Variants in ACSS3 observed in about 807,000 individuals in gnomAD.
ACSS3 encodes acyl-CoA synthetase short chain family member 3.
In ACSS3, 64 loss-of-function variants were observed where a neutral mutation model predicts 84.2. The ratio of observed to expected loss-of-function variants is 0.76; its 90% CI spans 0.62 to 0.94. The LOEUF is 0.94. Ranked by LOEUF, ACSS3 falls within the 40% of genes least tolerant of loss-of-function variation. ACSS3 has a pLI of 0.00. For synonymous variants in ACSS3, 317 were observed against 310.1 expected (o/e 1.02, Z -0.23); for missense variants, 815 against 867.6 (o/e 0.94, Z 0.76).
intron 1 of ACSS3, among the ~76,000 whole-genome samples, chr12:81,099,114 AT>A (rs1882299733): frequency 6.6e-6 from 1 of 152,094 alleles, no homozygotes; most frequent in Admixed American, 6.6e-5. Context: ...GAGTTAATGA[AT>A]TTTTTTATAA....
chr12:81,118,243 T>G (rs1884220810), intron 2 of ACSS3, among the ~76,000 whole-genome samples: 1 of 152,190 alleles, frequency 6.6e-6, no homozygotes, highest in South Asian at 2.1e-4. Flanking sequence ...AGTAAAATAG[T>G]GGCTTAATTT....
chr12:81,152,202 A>G, intron 7 of ACSS3, 106 bp downstream of exon 7: 1 of 750,106 alleles, frequency 1.3e-6, no homozygotes. Context: ...GGGACAGGGG[A>G]CATTATTATA....
At position 81,216,914 on chromosome 12, in the gene ACSS3, A is replaced by G; in HGVS notation, c.1368A>G (p.Pro456=). The G allele has an allele frequency of 2.5e-6, 4 of 1,610,820 alleles. No homozygotes were observed. Among genetic ancestry groups the G allele is most frequent in the South Asian group, 1.1e-5 (1 of 91,038 alleles). The change falls in exon 10 of 16, where the codon CCA becomes CCG. Residue 456 remains proline, a synonymous_variant. Coordinates refer to ENST00000548058, the MANE Select transcript of ACSS3 (RefSeq NM_024560.4). ...TTCTTTTTCCAGAGACTGGATCTCC[A>G]ATTACTGCGTCATGTGTTGGATTAG... is the stretch of plus-strand genomic sequence containing the variant. The part of the protein sequence containing the change: ...DHWWQTETGS[P]ITASCVGLGN...
chr12:81,242,116 T>A (rs975296304), intron 13 of ACSS3, among the ~76,000 whole-genome samples: 2 of 152,138 alleles, frequency 1.3e-5, no homozygotes, highest in African/African-American at 4.8e-5. Context: ...TTGCTTGTTT[T>A]TCCTCAGGTT....
chr12:81,219,508 C>T (rs546433599), intron 10 of ACSS3, among the ~76,000 whole-genome samples: 137 of 152,180 alleles, frequency 9.0e-4, no homozygotes, highest in African/African-American at 3.1e-3. Flanking sequence ...TCTATCAGGA[C>T]AGCACAGAAA....
intron 1 of ACSS3, among the ~76,000 whole-genome samples, chr12:81,079,606 T>G (rs1880844177): frequency 6.6e-6 from 1 of 152,178 alleles, no homozygotes; most frequent in African/African-American, 2.4e-5. Context: ...CTATCAATTA[T>G]TTTTTCAATA....
At chr12:81,241,036 C>A (rs2033784083) in intron 13 of ACSS3, among the ~76,000 whole-genome samples, 1 of 136,454 alleles carries the variant, frequency 7.3e-6, no homozygotes, top group South Asian at 2.5e-4. Flanking sequence ...CTTCCTGCAT[C>A]CATGTGTTCT....
chr12:81,090,076 G>T (rs1226154035), intron 1 of ACSS3, among the ~76,000 whole-genome samples: 1 of 151,906 alleles, frequency 6.6e-6, no homozygotes, highest in Non-Finnish European at 1.5e-5. Flanking sequence ...TGTTAATCGG[G>T]ATTTAACTTC....
At chr12:81,202,477 A>C (rs1593191472) in intron 9 of ACSS3, among the ~76,000 whole-genome samples, 1 of 152,164 alleles carries the variant, frequency 6.6e-6, no homozygotes, top group Non-Finnish European at 1.5e-5. Context: ...TATATCAAAT[A>C]GATGGTGGTA....
At chr12:81,151,375 T>G (rs1050175799) in intron 5 of ACSS3, among the ~76,000 whole-genome samples, 2 of 152,272 alleles carry the variant, frequency 1.3e-5, no homozygotes, top group Admixed American at 6.5e-5. Flanking sequence ...GAGATTCCAG[T>G]TAGAATATGA....
At chr12:81,194,516 G>T (rs923955669) in intron 8 of ACSS3, among the ~76,000 whole-genome samples, 11 of 151,732 alleles carry the variant, frequency 7.2e-5, no homozygotes, top group Non-Finnish European at 1.3e-4. Context: ...TTTTTCCTTT[G>T]CATTCAATAA....
chr12:81,252,190 T>A (rs2034175055), intron 13 of ACSS3, among the ~76,000 whole-genome samples: 1 of 152,140 alleles, frequency 6.6e-6, no homozygotes, highest in African/African-American at 2.4e-5. Context: ...TTGAGGCCCA[T>A]ATCTTTCTGC....
At chr12:81,236,280 A>G (rs1011969810) in intron 13 of ACSS3, among the ~76,000 whole-genome samples, 1 of 151,516 alleles carries the variant, frequency 6.6e-6, no homozygotes, top group Non-Finnish European at 1.5e-5. Flanking sequence ...TCAGCTTTTG[A>G]ACCAGTCGTG....
At chr12:81,166,680 C>T (rs966570337) in intron 7 of ACSS3, among the ~76,000 whole-genome samples, 1 of 152,166 alleles carries the variant, frequency 6.6e-6, no homozygotes, top group Non-Finnish European at 1.5e-5. Context: ...GTATCATTAG[C>T]CCCTTTTATG....
At chr12:81,190,812 C>G (rs915734409) in intron 8 of ACSS3, among the ~76,000 whole-genome samples, 3 of 151,908 alleles carry the variant, frequency 2.0e-5, no homozygotes, top group African/African-American at 7.2e-5. Flanking sequence ...GGGATTTTAT[C>G]TATGTTTTTT....
chr12:81,217,072 T>A, intron 10 of ACSS3, 76 bp downstream of exon 10: 1 of 1,146,684 alleles, frequency 8.7e-7, no homozygotes, highest in Non-Finnish European at 1.3e-6. Context: ...TTATGTTGCA[T>A]GAAACAAACT....
At chr12:81,209,442 A>G (rs1001681927) in intron 9 of ACSS3, among the ~76,000 whole-genome samples, 9 of 151,932 alleles carry the variant, frequency 5.9e-5, no homozygotes, top group Admixed American at 3.9e-4. Flanking sequence ...CAACAACCAT[A>G]TCTCATGATT....
rs1045716417 is a variant in ACSS3, at chr12:81,260,774, A to G, written c.*5852A>G. 1 of 152,194 alleles carries G rather than the reference A, an allele frequency of 6.6e-6. No individual in the cohort carries two copies. Among genetic ancestry groups the G allele is most frequent in the Non-Finnish European group, 1.5e-5 (1 of 68,028 alleles). The allele number at this position is 152,194 out of a possible 1,614,324, so 9.4% of individuals were successfully genotyped here. ...CACAAGGTGAGTTGTTCCTCTGTCTATAACTGTTTTCTCTTAACCCTGTGC... is the reference window on the plus strand; with the variant it reads ...CACAAGGTGAGTTGTTCCTCTGTCTGTAACTGTTTTCTCTTAACCCTGTGC... On this transcript the variant is annotated 3_prime_UTR_variant, in exon 16 of 16. Transcript: ENST00000548058.
chr12:81,097,022 G>T, intron 1 of ACSS3, among the ~76,000 whole-genome samples: 1 of 152,100 alleles, frequency 6.6e-6, no homozygotes, highest in East Asian at 1.9e-4. Context: ...AGCCAAGTGT[G>T]GCTATTGAGC....
Sources: gnomAD v4.1 joint callset for allele counts (sites outside exome capture counted in the v4.1 genomes callset) on GRCh38, gnomAD v4.1.1 for gene constraint, MANE v1.5 for transcripts, NCBI Gene and HGNC (gene_info 2026-07-23, HGNC 2026-07-21) for gene names.